Variants in ASTN2 observed in about 807,000 individuals in gnomAD.
The protein encoded by ASTN2 is astrotactin-2.
A neutral mutation model predicts 139.8 loss-of-function variants in ASTN2; 54 were observed. That is an observed-to-expected ratio of 0.39 (90% CI 0.31 to 0.48). The LOEUF is 0.48. ASTN2 is among the 20% of genes least tolerant of loss of function. ASTN2 has a pLI of 0.95. For synonymous variants in ASTN2, 756 were observed against 719.5 expected, an observed-to-expected ratio of 1.05 and a Z score of -0.81; for missense variants, 1,565 against 1,725.1, an observed-to-expected ratio of 0.91 and a Z score of 1.64.
At chr9:116,437,318 T>A in intron 22 of ASTN2, 1 of 471,160 alleles carries the variant, frequency 2.1e-6, no homozygotes, top group Non-Finnish European at 4.4e-6. Context: ...AGCACCAGGA[T>A]AGATTAGGAG....
chr9:116,450,780 T>G (rs968202207), intron 20 of ASTN2, among the ~76,000 whole-genome samples: 7 of 152,178 alleles, frequency 4.6e-5, no homozygotes, highest in African/African-American at 1.7e-4. Flanking sequence ...CCACCCACCC[T>G]CGAGCACCAG....
intron 13 of ASTN2, among the ~76,000 whole-genome samples, chr9:116,754,865 G>T (rs764183237): frequency 1.3e-5 from 2 of 152,164 alleles, no homozygotes; most frequent in Non-Finnish European, 2.9e-5. Context: ...ATAATCTCAA[G>T]ATTATTGTAG....
chr9:116,875,046 C>T (rs928735967), intron 10 of ASTN2, among the ~76,000 whole-genome samples: 1 of 152,174 alleles, frequency 6.6e-6, no homozygotes, highest in Non-Finnish European at 1.5e-5. Flanking sequence ...AATAACCCTA[C>T]AATTTCCTCT....
intron 13 of ASTN2, among the ~76,000 whole-genome samples, chr9:116,750,542 C>T (rs1319721665): frequency 9.4e-6 from 1 of 106,124 alleles, no homozygotes; most frequent in African/African-American, 2.9e-5. Context: ...TTTCCTTGTT[C>T]ACTCTCTCTC....
intron 3 of ASTN2, among the ~76,000 whole-genome samples, chr9:117,209,169 A>C (rs7864492): frequency 0.36 from 54,975 of 151,964 alleles, 10,042 homozygotes; most frequent in East Asian, 0.43. Context: ...CAACCAGAAA[A>C]CACTCAGTGA....
At chr9:116,987,131 T>C (rs1483884595) in intron 7 of ASTN2, among the ~76,000 whole-genome samples, 6 of 152,222 alleles carry the variant, frequency 3.9e-5, no homozygotes, top group Non-Finnish European at 4.4e-5. Flanking sequence ...CCTACTGATG[T>C]GGTTTGGCTC....
In ASTN2 at chr9:117,353,456, T is replaced by A. The variant is rs561148998; in HGVS notation, c.442+61041A>T. 5.9e-5 allele frequency among the ~76,000 whole-genome samples: 9 copies of A among 152,298 alleles called. No individual in the cohort carries two copies. In the East Asian group the frequency reaches 1.7e-3, roughly 29 times the overall value. The stretch of plus-strand genomic sequence containing the variant: ...AACTAATATTTTAATTTTATTTAAT[T>A]TTAATTATTTTAAATGTAAATAATA... On this transcript the variant is annotated intron_variant, in intron 1 of 22. Transcript: ENST00000313400.
At chr9:117,397,506 C>A in intron 1 of ASTN2, among the ~76,000 whole-genome samples, 1 of 152,006 alleles carries the variant, frequency 6.6e-6, no homozygotes, top group East Asian at 1.9e-4. Context: ...TTAATGAAAC[C>A]AACACTGGAG....
At chr9:117,378,912 G>A (rs1208172833) in intron 1 of ASTN2, among the ~76,000 whole-genome samples, 1 of 152,112 alleles carries the variant, frequency 6.6e-6, no homozygotes, top group Non-Finnish European at 1.5e-5. Flanking sequence ...TCCCCTTGGT[G>A]CTGTTCTAGG....
chr9:116,964,219 GTGTGTGT>G (rs1564362536), intron 10 of ASTN2, among the ~76,000 whole-genome samples: 3 of 77,100 alleles, frequency 3.9e-5, no homozygotes, highest in African/African-American at 1.8e-4. Flanking sequence ...GCCCTGGGGT[GTGTGTGT>G]GTGTGTGTGT....
At chr9:117,124,516 C>T (rs1829638076) in intron 4 of ASTN2, among the ~76,000 whole-genome samples, 1 of 152,114 alleles carries the variant, frequency 6.6e-6, no homozygotes, top group Non-Finnish European at 1.5e-5. Flanking sequence ...TGTATATAAT[C>T]ATTAAAATAA....
chr9:116,562,038 CA>C (rs2131664749), intron 19 of ASTN2: 1 of 152,296 alleles, frequency 6.6e-6, no homozygotes, highest in African/African-American at 2.4e-5. Flanking sequence ...GTGGCTGCCA[CA>C]GGCGATGAAG....
rs137928458 is a variant in ASTN2, at chr9:116,434,788, G to A, written c.3782+5821C>T. ...TCTGGGGACAGCTGGGTGTCAGTGCGTCTTCTTTGAGCAGCTGTTTGCAGT... is the reference window on the plus strand; with the variant it reads ...TCTGGGGACAGCTGGGTGTCAGTGCATCTTCTTTGAGCAGCTGTTTGCAGT... On this transcript the variant is annotated intron_variant, in intron 22 of 22. Transcript: ENST00000313400. Among the ~76,000 whole-genome samples, 57 of 152,280 alleles carry A rather than the reference G, an allele frequency of 3.7e-4. 1 individual carries two copies. Among genetic ancestry groups the A allele is most frequent in the East Asian group, 3.3e-3 (17 of 5,180 alleles).
Position 117,054,309 on chromosome 9 carries a change from T to C in ASTN2, c.1277-14344A>G, listed in dbSNP as rs186219478. On this transcript the variant is annotated intron_variant, in intron 5 of 22. Coordinates refer to ENST00000313400, the MANE Select transcript of ASTN2 (RefSeq NM_001365068.1). ...GGAGTCTGAAGCCCAAACTTGAATATAGGCTCTGCCATTACTCACTGTGCC... is the reference window on the plus strand; with the variant it reads ...GGAGTCTGAAGCCCAAACTTGAATACAGGCTCTGCCATTACTCACTGTGCC... Among the ~76,000 whole-genome samples the C allele has an allele frequency of 5.7e-3, 867 of 152,334 alleles. 5 individuals carry two copies. Among genetic ancestry groups the C allele is most frequent in the Non-Finnish European group, 0.01 (701 of 68,024 alleles).
At chr9:116,458,529 A>G (rs1279080420) in intron 20 of ASTN2, among the ~76,000 whole-genome samples, 1 of 152,008 alleles carries the variant, frequency 6.6e-6, no homozygotes, top group Non-Finnish European at 1.5e-5. Flanking sequence ...AATAAAAAAA[A>G]TTAAAAAATA....
chr9:116,802,326 T>A (rs1357010780), intron 13 of ASTN2, among the ~76,000 whole-genome samples: 1 of 152,122 alleles, frequency 6.6e-6, no homozygotes, highest in Non-Finnish European at 1.5e-5. Context: ...GACCTCATGA[T>A]CTGCCCGCCT....
intron 1 of ASTN2, among the ~76,000 whole-genome samples, chr9:117,320,932 C>T (rs1828306450): frequency 6.6e-6 from 1 of 152,218 alleles, no homozygotes; most frequent in South Asian, 2.1e-4. Context: ...CCTGCAGAGG[C>T]ATCTTGGGGT....
chr9:116,693,940 AC>A (rs944633129), intron 16 of ASTN2, among the ~76,000 whole-genome samples: 15 of 152,258 alleles, frequency 9.9e-5, no homozygotes, highest in African/African-American at 3.6e-4. Flanking sequence ...AAGATCCTTC[AC>A]AAAGCAGTGT....
chr9:116,790,963 G>GAAAGA (rs754990492), intron 13 of ASTN2, among the ~76,000 whole-genome samples: 3 of 101,124 alleles, frequency 3.0e-5, no homozygotes, highest in African/African-American at 1.2e-4. Flanking sequence ...AGAAAAGAAA[G>GAAAGA]AAGGAAAGAA....
Sources: allele counts gnomAD v4.1 joint callset (sites outside exome capture counted in the v4.1 genomes callset), GRCh38; gene constraint gnomAD v4.1.1; transcripts MANE v1.5; gene names NCBI Gene and HGNC (gene_info 2026-07-23, HGNC 2026-07-21).